The following RUNX3 variants were observed in gnomAD, a reference collection of about 807,000 sequenced individuals.
The protein encoded by RUNX3 is RUNX family transcription factor 3.
RUNX3 carries 10 observed loss-of-function variants against 27.7 expected under a neutral mutation model. The ratio of observed to expected loss-of-function variants is 0.36; its 90% CI spans 0.22 to 0.61. The LOEUF (loss-of-function observed/expected upper bound fraction) is 0.61. RUNX3 is among the 20% of genes least tolerant of loss of function. The pLI is 0.72. For missense variants in RUNX3, 469 were observed against 629.5 expected (o/e 0.75, Z 2.73); for synonymous variants, 270 against 269.2 (o/e 1.00, Z -0.03).
At chr1:24,951,426 A>G (rs1403504725) in intron 2 of RUNX3, among the ~76,000 whole-genome samples, 1 of 152,100 alleles carries the variant, frequency 6.6e-6, no homozygotes, top group African/African-American at 2.4e-5. Flanking sequence ...TGCATGGGCC[A>G]TACACTGAGT....
intron 2 of RUNX3, among the ~76,000 whole-genome samples, chr1:24,942,410 G>A (rs1641500344): frequency 6.6e-6 from 1 of 152,216 alleles, no homozygotes; most frequent in African/African-American, 2.4e-5. Flanking sequence ...ATATTTGATA[G>A]TGTCTTGGGA....
chr1:24,958,603 G>A lies in RUNX3; in HGVS notation c.58+5911C>T, dbSNP rs115023082. The stretch of plus-strand genomic sequence containing the variant: ...ACTGTGTCCAGGGGCTTCAGGAGGT[G>A]CTATTTTAGGGCAGATGGCAAAGGC... On this transcript the variant is annotated intron_variant, in intron 2 of 6. Transcript: ENST00000338888. 2.9e-3 allele frequency among the ~76,000 whole-genome samples: 443 copies of A among 152,328 alleles called. 6 individuals are homozygous for A. Among genetic ancestry groups the A allele is most frequent in the African/African-American group, 0.01 (427 of 41,566 alleles).
At chr1:24,903,125 TG>T (rs1356197892) in intron 4 of RUNX3, among the ~76,000 whole-genome samples, 2 of 152,132 alleles carry the variant, frequency 1.3e-5, no homozygotes, top group African/African-American at 4.8e-5. Flanking sequence ...CGTGTGAGAC[TG>T]GGAGTTGGAA....
chr1:24,906,179 A>T (rs1640661311), intron 4 of RUNX3, among the ~76,000 whole-genome samples: 1 of 152,232 alleles, frequency 6.6e-6, no homozygotes, highest in East Asian at 1.9e-4. Context: ...TGGGGCAGGC[A>T]GACCGGTTGG....
rs1640633562 is a variant in RUNX3, at chr1:24,904,885, C to G, written c.704-2219G>C. ...CCCCCACCCTGCGGCCTCGCAGCCC[C>G]AGGAAACCCGAGCTGCCCGGGGCAC... On this transcript the variant is annotated intron_variant, in intron 4 of 4. Coordinates refer to ENST00000308873, the MANE Select transcript of RUNX3 (RefSeq NM_004350.3). This position sits in a 1 kb window ranked among gnomAD's most constrained non-coding sequence, Gnocchi z 5.7. Among the ~76,000 whole-genome samples, 2 of 152,192 alleles carry G rather than the reference C, an allele frequency of 1.3e-5. No individual in the cohort carries two copies. Among genetic ancestry groups the G allele is most frequent in the African/African-American group, 2.4e-5 (1 of 41,450 alleles).
At chr1:24,903,521 C>G (rs935798044) in intron 4 of RUNX3, among the ~76,000 whole-genome samples, 1 of 152,228 alleles carries the variant, frequency 6.6e-6, no homozygotes, top group African/African-American at 2.4e-5. Context: ...TCAATGGGCT[C>G]CAAGGCAAGG....
chr1:24,945,306 A>G (rs754502331), intron 2 of RUNX3, among the ~76,000 whole-genome samples: 6 of 152,224 alleles, frequency 3.9e-5, no homozygotes, highest in Non-Finnish European at 7.3e-5. Flanking sequence ...ACATAAAACC[A>G]TTCCTGGGTA....
intron 1 of RUNX3, chr1:24,929,167 G>C (rs756211228): frequency 3.6e-5 from 17 of 472,596 alleles, no homozygotes; most frequent in South Asian, 2.5e-4. Context: ...AGCGGCGCGG[G>C]AGGAGGGGTG....
At position 24,927,470 on chromosome 1, in the gene RUNX3, C is replaced by G. The variant is rs1262944967; in HGVS notation, c.439+104G>C. 5 of 1,106,150 alleles carry G rather than the reference C, an allele frequency of 4.5e-6. No homozygotes were observed. Among genetic ancestry groups the G allele is most frequent in the Non-Finnish European group, 6.8e-6 (5 of 734,900 alleles). The allele number at this position is 1,106,150 out of a possible 1,614,324, so 68.5% of individuals were successfully genotyped here. A position where few individuals can be genotyped will look rare whatever the true frequency, so the allele number is the denominator to read the frequency against. ...TTGCTGTTTTTAGACAGAGCTGCAT[C>G]TGGAGACCTGTTTTTCGGGATTCTA... is the stretch of plus-strand genomic sequence containing the variant. On this transcript the variant is annotated intron_variant, in intron 2 of 4. Coordinates refer to ENST00000308873, the MANE Select transcript of RUNX3 (RefSeq NM_004350.3). This position sits in a 1 kb window ranked among gnomAD's most constrained non-coding sequence, Gnocchi z 5.0.
chr1:24,915,808 G>A (rs1640878657), intron 3 of RUNX3, among the ~76,000 whole-genome samples: 1 of 152,152 alleles, frequency 6.6e-6, no homozygotes, highest in Admixed American at 6.5e-5. Flanking sequence ...GGCTAGGGGG[G>A]CGTGAGGGCC....
At chr1:24,906,351 C>A (rs1007286328) in intron 4 of RUNX3, among the ~76,000 whole-genome samples, 2 of 152,220 alleles carry the variant, frequency 1.3e-5, no homozygotes, top group African/African-American at 4.8e-5. Context: ...CCAAGGGGTT[C>A]TAACCAGGCT....
At chr1:24,940,340 A>G (rs1641448004) in intron 2 of RUNX3, among the ~76,000 whole-genome samples, 1 of 152,234 alleles carries the variant, frequency 6.6e-6, no homozygotes, top group African/African-American at 2.4e-5. Flanking sequence ...GAGCGACTGC[A>G]GAGCTCCATT....
intron 2 of RUNX3, among the ~76,000 whole-genome samples, chr1:24,922,392 T>C (rs1641016986): frequency 1.3e-5 from 2 of 152,096 alleles, no homozygotes; most frequent in African/African-American, 2.4e-5. Flanking sequence ...ACAATTGTAT[T>C]GTCCCTAACC....
intron 2 of RUNX3, among the ~76,000 whole-genome samples, chr1:24,956,695 A>G (rs1374458782): frequency 6.6e-6 from 1 of 152,204 alleles, no homozygotes; most frequent in Non-Finnish European, 1.5e-5. Flanking sequence ...GACAGAACTC[A>G]GGCTTGAGGA....
intron 4 of RUNX3, among the ~76,000 whole-genome samples, chr1:24,905,328 A>G (rs1397530839): frequency 6.6e-6 from 1 of 152,218 alleles, no homozygotes; most frequent in Non-Finnish European, 1.5e-5. Context: ...CATACAGCCA[A>G]TGCCTGGCAG....
At chr1:24,961,203 G>A (rs1037503334) in intron 2 of RUNX3, 1 of 152,288 alleles carries the variant, frequency 6.6e-6, no homozygotes, top group Non-Finnish European at 1.5e-5. Context: ...TGCACAAGCA[G>A]TCGGACTCTC....
chr1:24,909,080 C>G (rs560422334), intron 3 of RUNX3, among the ~76,000 whole-genome samples: 174 of 152,312 alleles, frequency 1.1e-3, no homozygotes, highest in Non-Finnish European at 1.9e-3. Context: ...ATCCCAGCCT[C>G]ACATCCGAGG....
chr1:24,911,063 T>C (rs1185350173), intron 3 of RUNX3, among the ~76,000 whole-genome samples: 1 of 152,044 alleles, frequency 6.6e-6, no homozygotes, highest in Non-Finnish European at 1.5e-5. Flanking sequence ...TAACAGGCCT[T>C]GGAGGAAATG....
At chr1:24,940,620 G>T (rs568476012) in intron 2 of RUNX3, among the ~76,000 whole-genome samples, 1 of 152,084 alleles carries the variant, frequency 6.6e-6, no homozygotes, top group Non-Finnish European at 1.5e-5. Context: ...ATAGCTAGGC[G>T]TGGTAACTTG....
Sources: allele counts gnomAD v4.1 joint callset (sites outside exome capture counted in the v4.1 genomes callset), GRCh38; gene constraint gnomAD v4.1.1; non-coding constraint Gnocchi (gnomAD v3.1); transcripts MANE v1.5; gene names NCBI Gene and HGNC (gene_info 2026-07-23, HGNC 2026-07-21).